Variants in LRP1B observed in about 807,000 individuals in gnomAD.
LRP1B encodes LDL receptor related protein 1B, also known as low-density lipoprotein receptor-related protein 1B.
Under a neutral mutation model 556.6 loss-of-function variants are expected in LRP1B, and 217 were observed. That is an observed-to-expected ratio of 0.39 (90% CI 0.35 to 0.44). LRP1B has a LOEUF of 0.44. Among genes scored for constraint, LRP1B ranks in the 20% least tolerant of loss-of-function variants. The probability of loss-of-function intolerance (pLI) is 1.00; values close to 1 mark genes in which losing one functional copy is unlikely to be tolerated. For synonymous variants in LRP1B, 2,047 were observed against 1,865.8 expected (o/e 1.10, Z -2.50); for missense variants, 5,053 against 5,620.8 (o/e 0.90, Z 3.23).
rs1284066139 is a variant in LRP1B, at chr2:140,885,436, C to T, written c.3964+702G>A. ...AATGATCTAGGCTCACTGCAACCTC[C>T]GCCTCCCAGGTTCACGCAATTCTCC... is the stretch of plus-strand genomic sequence containing the variant. On this transcript the variant is annotated intron_variant, in intron 24 of 90. Transcript: ENST00000389484. 7.9e-5 allele frequency among the ~76,000 whole-genome samples: 12 copies of T among 151,678 alleles called. No individual in the cohort carries two copies. In the South Asian group the frequency reaches 1.0e-3, roughly 13 times the overall value.
intron 7 of LRP1B, among the ~76,000 whole-genome samples, chr2:141,146,070 G>A (rs1392783175): frequency 6.6e-6 from 1 of 151,518 alleles, no homozygotes; most frequent in African/African-American, 2.4e-5. Context: ...GCTTACAGGT[G>A]TATGCCACCA....
At chr2:142,039,191 T>A (rs1382517229) in intron 1 of LRP1B, among the ~76,000 whole-genome samples, 1 of 151,490 alleles carries the variant, frequency 6.6e-6, no homozygotes, top group East Asian at 1.9e-4. Context: ...AATTATGAAA[T>A]GTGTAATAAT....
intron 3 of LRP1B, among the ~76,000 whole-genome samples, chr2:141,352,820 C>T (rs887798298): frequency 3.9e-5 from 6 of 151,954 alleles, no homozygotes; most frequent in African/African-American, 1.4e-4. Context: ...AATTTGGTTT[C>T]CCAATAACCA....
intron 84 of LRP1B, among the ~76,000 whole-genome samples, chr2:140,295,861 T>A (rs982733887): frequency 1.3e-5 from 2 of 152,110 alleles, no homozygotes; most frequent in East Asian, 3.9e-4. Context: ...AATAGATACT[T>A]TGGGGCAAAG....
At chr2:141,154,215 A>T (rs934475938) in intron 7 of LRP1B, among the ~76,000 whole-genome samples, 1 of 151,902 alleles carries the variant, frequency 6.6e-6, no homozygotes, top group Non-Finnish European at 1.5e-5. Context: ...TTACTGACAC[A>T]CCCTAGAATT....
intron 65 of LRP1B, 135 bp downstream of exon 65, chr2:140,444,195 C>T (rs1573945457): frequency 2.1e-6 from 2 of 943,938 alleles, no homozygotes; most frequent in Admixed American, 2.6e-5. Context: ...CAGTTGGCAT[C>T]TATTTCTAAT....
chr2:140,764,421 G>A (rs1355439683), intron 35 of LRP1B, among the ~76,000 whole-genome samples: 1 of 152,082 alleles, frequency 6.6e-6, no homozygotes, highest in Non-Finnish European at 1.5e-5. Context: ...ATGGCCCCTT[G>A]ATCTCTTTGG....
chr2:141,730,154 G>A (rs966828926), intron 2 of LRP1B, among the ~76,000 whole-genome samples: 11 of 152,070 alleles, frequency 7.2e-5, no homozygotes, highest in East Asian at 1.9e-4. Flanking sequence ...TTTGGCTTTC[G>A]TAGTAGAAGC....
At chr2:141,059,156 G>T in intron 8 of LRP1B, 102 bp from the exon 9 acceptor site, 1 of 725,372 alleles carries the variant, frequency 1.4e-6, no homozygotes, top group Non-Finnish European at 2.1e-6. Context: ...GGCCACAGCA[G>T]AAGAACCGCA....
rs1693550628 is a variant in LRP1B, at chr2:140,883,808, C to T, written c.4169+9G>A. ...CCAAAATCAATCTATAAAAGGCAAA[C>T]TTCTTTACCCATATCTTGGGTCCAA... On this transcript the variant is annotated intron_variant, in intron 25 of 90. Coordinates refer to ENST00000389484, the MANE Select transcript of LRP1B (RefSeq NM_018557.3). 1 of 1,606,922 alleles carries T rather than the reference C, an allele frequency of 6.2e-7. No individual in the cohort carries two copies. Among genetic ancestry groups the T allele is most frequent in the African/African-American group, 1.3e-5 (1 of 74,470 alleles).
intron 7 of LRP1B, among the ~76,000 whole-genome samples, chr2:141,176,841 A>G (rs1372313882): frequency 1.3e-5 from 2 of 152,158 alleles, no homozygotes; most frequent in African/African-American, 2.4e-5. Context: ...CTTTTAAAAT[A>G]GAGGCCTTTG....
chr2:141,666,304 G>A (rs1159703282), intron 2 of LRP1B, among the ~76,000 whole-genome samples: 3 of 152,046 alleles, frequency 2.0e-5, no homozygotes, highest in Non-Finnish European at 2.9e-5. Flanking sequence ...GCAGGGTGGG[G>A]CTAGATTACA....
chr2:140,306,079 A>G (rs1684051122), intron 83 of LRP1B, among the ~76,000 whole-genome samples: 1 of 130,592 alleles, frequency 7.7e-6, no homozygotes, highest in Admixed American at 7.4e-5. Context: ...GGATTTTTGC[A>G]TCGATATTCA....
At chr2:141,643,147 G>A (rs72978088) in intron 2 of LRP1B, among the ~76,000 whole-genome samples, 1,890 of 152,212 alleles carry the variant, frequency 0.012, 32 homozygotes, top group African/African-American at 0.043. Flanking sequence ...TATTTCTAAT[G>A]TCTACCACAT....
In LRP1B at chr2:141,163,583, G is replaced by C. The variant is rs1410967948; in HGVS notation, c.1013+24838C>G. On this transcript the variant is annotated intron_variant, in intron 7 of 90. Transcript: ENST00000389484. ...CCCATAATTCCCATGTGTTGTGGGA[G>C]GGACTTGGTGGGAGATACTGAATCA... is the stretch of plus-strand genomic sequence containing the variant. Among the ~76,000 whole-genome samples, 4 of 152,138 alleles carry C rather than the reference G, an allele frequency of 2.6e-5. No individual in the cohort carries two copies. In the East Asian group the frequency reaches 7.8e-4, roughly 30 times the overall value.
chr2:140,431,773 G>A (rs550738458), intron 66 of LRP1B, among the ~76,000 whole-genome samples: 122 of 152,088 alleles, frequency 8.0e-4, no homozygotes, highest in Non-Finnish European at 1.5e-3. Context: ...AATGACAAAT[G>A]TTTCTTCTAA....
At chr2:141,293,286 CA>C (rs917297035) in intron 3 of LRP1B, among the ~76,000 whole-genome samples, 1 of 152,136 alleles carries the variant, frequency 6.6e-6, no homozygotes, top group African/African-American at 2.4e-5. Flanking sequence ...CATAGCAATG[CA>C]CATCTGTAGC....
chr2:141,468,811 T>C (rs1682340833), intron 3 of LRP1B, among the ~76,000 whole-genome samples: 1 of 152,160 alleles, frequency 6.6e-6, no homozygotes, highest in African/African-American at 2.4e-5. Context: ...ACATTTCAGC[T>C]AATGGGAGTA....
intron 43 of LRP1B, among the ~76,000 whole-genome samples, chr2:140,592,222 GT>G (rs1467389974): frequency 6.6e-6 from 1 of 152,070 alleles, no homozygotes; most frequent in African/African-American, 2.4e-5. Flanking sequence ...AGGATATTAA[GT>G]TTTTAAATTA....
Sources: gnomAD v4.1 joint callset for allele counts (sites outside exome capture counted in the v4.1 genomes callset) on GRCh38, gnomAD v4.1.1 for gene constraint, MANE v1.5 for transcripts, NCBI Gene and HGNC (gene_info 2026-07-23, HGNC 2026-07-21) for gene names.